The following NR5A1 variants were observed in gnomAD, a reference collection of about 807,000 sequenced individuals.
NR5A1 encodes the protein nuclear receptor subfamily 5 group A member 1, also known as steroidogenic factor 1.
A neutral mutation model predicts 42.7 loss-of-function variants in NR5A1; 6 were observed. The ratio of observed to expected loss-of-function variants is 0.14; its 90% CI spans 0.08 to 0.28. The LOEUF is 0.28. Ranked by LOEUF, NR5A1 falls within the 10% of genes least tolerant of loss-of-function variation. NR5A1 has a pLI of 1.00. For synonymous variants in NR5A1, 274 were observed against 277.5 expected, an observed-to-expected ratio of 0.99 and a Z score of 0.12; for missense variants, 442 against 626.4, an observed-to-expected ratio of 0.71 and a Z score of 3.14.
At chr9:124,497,525 G>A (rs182547764) in intron 4 of NR5A1, among the ~76,000 whole-genome samples, 2 of 152,284 alleles carry the variant, frequency 1.3e-5, no homozygotes, top group South Asian at 4.2e-4. Context: ...TGGGCCCCTG[G>A]CACCCCTGAG....
chr9:124,488,521 T>A (rs1026517776), intron 6 of NR5A1, among the ~76,000 whole-genome samples: 3 of 152,240 alleles, frequency 2.0e-5, no homozygotes, highest in Non-Finnish European at 4.4e-5. Flanking sequence ...AGATGGAGAC[T>A]GTGAGCTGCT....
chr9:124,500,473 C>A lies in NR5A1; in HGVS notation c.487G>T (p.Asp163Tyr). Residue 163 changes from aspartate to tyrosine, a missense_variant, in exon 4 of 7, where the codon GAC becomes TAC. Coordinates refer to ENST00000373588, the MANE Select transcript of NR5A1 (RefSeq NM_004959.5). This position sits in a 1 kb window ranked among gnomAD's most constrained non-coding sequence, Gnocchi z 6.9. ...AAGPPAGPLG[D>Y]FGAPALPMAV... ...ATGGGCAGTGCTGGGGCCCCAAAGT[C>A]GCCCAGTGGCCCAGCAGGTGGACCG... The A allele has an allele frequency of 3.1e-6, 5 of 1,596,732 alleles. No homozygotes were observed. The highest frequency in any genetic ancestry group is 4.3e-6 in the Non-Finnish European group (5 of 1,173,742).
intron 3 of NR5A1, among the ~76,000 whole-genome samples, chr9:124,502,014 G>A (rs1164299515): frequency 2.0e-5 from 3 of 152,154 alleles, no homozygotes; most frequent in Non-Finnish European, 4.4e-5. Context: ...CCCACTGCCC[G>A]GCCCCCTCAG....
Position 124,503,840 on chromosome 9 carries a change from G to A in NR5A1, c.-15-430C>T, listed in dbSNP as rs2131290567. On this transcript the variant is annotated intron_variant, in intron 1 of 6. Transcript: ENST00000373588. The surrounding 1 kb of genome is among the most constrained non-coding windows in gnomAD (Gnocchi z 9.6). ...CTGGGAACCCGACAGAGACGAAGGA[G>A]GCAGAGACAGAGTCCGGGGGAGCCA... is the stretch of plus-strand genomic sequence containing the variant. Among the ~76,000 whole-genome samples the A allele has an allele frequency of 6.6e-6, 1 of 152,344 alleles. No individual in the cohort carries two copies. The highest frequency in any genetic ancestry group is 2.1e-4 in the South Asian group (1 of 4,832).
chr9:124,494,691 G>A (rs1832361970), intron 4 of NR5A1, among the ~76,000 whole-genome samples: 1 of 151,734 alleles, frequency 6.6e-6, no homozygotes, highest in African/African-American at 2.4e-5. Context: ...ACACAGAGAG[G>A]CCACTCCCCA....
At chr9:124,492,668 C>T (rs1371541529) in intron 5 of NR5A1, among the ~76,000 whole-genome samples, 2 of 152,142 alleles carry the variant, frequency 1.3e-5, no homozygotes, top group Non-Finnish European at 2.9e-5. Context: ...TCTGAGCCTG[C>T]GGTAGACGTG....
At chr9:124,504,050 G>A (rs1045887415) in intron 1 of NR5A1, among the ~76,000 whole-genome samples, 2 of 128,262 alleles carry the variant, frequency 1.6e-5, no homozygotes, top group Non-Finnish European at 3.0e-5. Flanking sequence ...GAGAGAGAGA[G>A]ACGAGAGAGA....
At chr9:124,506,659 TTCTACTCTCACCGGCTGGAAGCCCA>T (rs1389807075) in intron 1 of NR5A1, among the ~76,000 whole-genome samples, 3 of 152,088 alleles carry the variant, frequency 2.0e-5, no homozygotes, top group Non-Finnish European at 4.4e-5. Context: ...CCCCAAGGGT[TTCTACTCTCACCGGCTGGAAGCCCA>T]TGGCTCCTCT....
chr9:124,504,463 C>T (rs1832520313), intron 1 of NR5A1, among the ~76,000 whole-genome samples: 1 of 152,030 alleles, frequency 6.6e-6, no homozygotes, highest in Admixed American at 6.5e-5. Flanking sequence ...AAAGCCGCAG[C>T]AGCGACGGCA....
At position 124,488,350 on chromosome 9, in the gene NR5A1, T is replaced by G. The variant is rs534498489; in HGVS notation, c.1138+2731A>C. On this transcript the variant is annotated intron_variant, in intron 6 of 6. Coordinates refer to ENST00000373588, the MANE Select transcript of NR5A1 (RefSeq NM_004959.5). ...GCCCCCTACATCCCTCTCTCACTGCTTGCCATCAGCTGGGGTCCTGGAATC... is the reference window on the plus strand; with the variant it reads ...GCCCCCTACATCCCTCTCTCACTGCGTGCCATCAGCTGGGGTCCTGGAATC... 3.9e-5 allele frequency among the ~76,000 whole-genome samples: 6 copies of G among 152,146 alleles called. No homozygotes were observed. The South Asian group carries it at 1.2e-3, about 32-fold the overall frequency.
Position 124,498,314 on chromosome 9 carries a change from C to A in NR5A1, c.870+1776G>T, listed in dbSNP as rs1423906089. On this transcript the variant is annotated intron_variant, in intron 4 of 6. Transcript: ENST00000373588. The surrounding 1 kb of genome is among the most constrained non-coding windows in gnomAD (Gnocchi z 4.6). ...GCTGGGCTGGTACTTATCTGCAAGG[C>A]CCCTTTAGAGAAGCTGGTGACCACT... 6.6e-6 allele frequency among the ~76,000 whole-genome samples: 1 copy of A among 152,196 alleles called. No individual in the cohort carries two copies. Among genetic ancestry groups the A allele is most frequent in the Non-Finnish European group, 1.5e-5 (1 of 68,040 alleles).
intron 6 of NR5A1, among the ~76,000 whole-genome samples, chr9:124,484,083 A>G (rs911911621): frequency 6.6e-6 from 1 of 152,180 alleles, no homozygotes; most frequent in Non-Finnish European, 1.5e-5. Flanking sequence ...CACCTGACGC[A>G]AGCCTATTTT....
In NR5A1 at chr9:124,482,695, CGGCCCCGCCCA is replaced by C. The variant is rs1043869829; in HGVS notation, c.*52_*62del. On this transcript the variant is annotated 3_prime_UTR_variant, in exon 7 of 7. Transcript: ENST00000373588. ...CCATGCGGAGCCAGCGGTGTGGCTGCGGCCCCGCCCAGGCCCCGCCCCCAGTCCCGCCCCCA... is the reference window on the plus strand; with the variant it reads ...CCATGCGGAGCCAGCGGTGTGGCTGCGGCCCCGCCCCCAGTCCCGCCCCCA... The C allele has an allele frequency of 9.0e-5, 94 of 1,045,536 alleles. No individual in the cohort carries two copies. The East Asian group carries it at 2.5e-3, about 28-fold the overall frequency. The allele number at this position is 1,045,536 out of a possible 1,614,324, so 64.8% of individuals were successfully genotyped here.
intron 1 of NR5A1, among the ~76,000 whole-genome samples, chr9:124,504,512 G>T (rs1206860120): frequency 6.6e-6 from 1 of 152,062 alleles, no homozygotes; most frequent in Non-Finnish European, 1.5e-5. Flanking sequence ...CCACCGGGAC[G>T]TCGGGCGGGG....
At position 124,503,093 on chromosome 9, in the gene NR5A1, C is replaced by T; in HGVS notation, c.230G>A (p.Gly77Glu). 6.3e-7 allele frequency: 1 copy of T among 1,586,006 alleles called. No individual in the cohort carries two copies. ...GCGGCGCGCACCTTCCAGGCGCATC[C>T]CCACCGTCAGGCATTTCTGGAAGCG... ...FCRFQKCLTV[G>E]MRLEAVRADR... Residue 77 changes from glycine (G) to glutamate (E), a missense_variant, in exon 3 of 7, where the codon GGG becomes GAG. By Grantham distance (98) the Gly-to-Glu change is moderately conservative (BLOSUM62 -2). This residue lies in a region of NR5A1 where 71 missense variants were observed against 156.8 expected (regional missense o/e 0.45). Transcript: ENST00000373588. This position sits in a 1 kb window ranked among gnomAD's most constrained non-coding sequence, Gnocchi z 9.6.
intron 1 of NR5A1, among the ~76,000 whole-genome samples, chr9:124,504,150 C>T (rs1249852572): frequency 1.3e-5 from 2 of 152,016 alleles, no homozygotes; most frequent in African/African-American, 4.8e-5. Context: ...GAGAGACTGA[C>T]GCAGAGCCAG....
chr9:124,498,293 G>C lies in NR5A1; in HGVS notation c.870+1797C>G, dbSNP rs1832415600. On this transcript the variant is annotated intron_variant, in intron 4 of 6. Coordinates refer to ENST00000373588, the MANE Select transcript of NR5A1 (RefSeq NM_004959.5). The surrounding 1 kb of genome is among the most constrained non-coding windows in gnomAD (Gnocchi z 4.6). ...CTTACGAGAGGCGCTCTAAGGGCTG[G>C]GCTGGTACTTATCTGCAAGGCCCCT... Among the ~76,000 whole-genome samples the C allele has an allele frequency of 6.6e-6, 1 of 152,162 alleles. No homozygotes were observed. Among genetic ancestry groups the C allele is most frequent in the Non-Finnish European group, 1.5e-5 (1 of 68,024 alleles).
chr9:124,487,428 T>G (rs934208804), intron 6 of NR5A1, among the ~76,000 whole-genome samples: 13 of 152,220 alleles, frequency 8.5e-5, no homozygotes, highest in African/African-American at 2.7e-4. Flanking sequence ...GTTAGGTCAA[T>G]CCATTAAGCT....
intron 3 of NR5A1, 112 bp downstream of exon 3, chr9:124,502,967 G>C (rs926665532): frequency 7.3e-7 from 1 of 1,371,168 alleles, no homozygotes; most frequent in Non-Finnish European, 9.7e-7. Flanking sequence ...AATGTCGCAC[G>C]AGGGGCCTTC....
Sources: allele counts gnomAD v4.1 joint callset (sites outside exome capture counted in the v4.1 genomes callset), GRCh38; gene constraint gnomAD v4.1.1; regional missense constraint gnomAD v4.1.1; non-coding constraint Gnocchi (gnomAD v3.1); transcripts MANE v1.5; gene names NCBI Gene and HGNC (gene_info 2026-07-23, HGNC 2026-07-21).